RASA2: variants seen among roughly 807,000 people sequenced by gnomAD.
RASA2 encodes ras GTPase-activating protein 2.
In RASA2, 155 loss-of-function variants were observed where a neutral mutation model predicts 118.2. That is an observed-to-expected ratio of 1.31 (90% CI 1.15 to 1.50). RASA2 has a LOEUF of 1.50. Ranked by LOEUF, RASA2 falls within the 40% of genes most tolerant of loss-of-function variation. The probability of loss-of-function intolerance (pLI) is 0.00; values close to 1 mark genes in which losing one functional copy is unlikely to be tolerated. For synonymous variants in RASA2, 353 were observed against 349.1 expected (o/e 1.01, Z -0.12); for missense variants, 1,016 against 1,009.6 (o/e 1.01, Z -0.09).
intron 18 of RASA2, among the ~76,000 whole-genome samples, chr3:141,586,306 T>G (rs2107776518): frequency 6.6e-6 from 1 of 152,304 alleles, no homozygotes; most frequent in South Asian, 2.1e-4. Context: ...TAGAGTTGTT[T>G]TGCAATTATA....
chr3:141,536,687 T>C (rs920712581), intron 4 of RASA2, among the ~76,000 whole-genome samples: 7 of 152,156 alleles, frequency 4.6e-5, no homozygotes, highest in Admixed American at 3.9e-4. Context: ...CTTTAGGAGA[T>C]TGAATAATAA....
At chr3:141,553,726 A>G (rs987155748) in intron 5 of RASA2, 131 bp from the exon 6 acceptor site, 2 of 1,439,392 alleles carry the variant, frequency 1.4e-6, no homozygotes, top group East Asian at 2.4e-5. Context: ...TAGGTAGTAT[A>G]TAGCCATACA....
At chr3:141,493,855 C>T (rs539101285) in intron 1 of RASA2, among the ~76,000 whole-genome samples, 1 of 152,278 alleles carries the variant, frequency 6.6e-6, no homozygotes, top group Admixed American at 6.5e-5. Context: ...AGAAATTAAG[C>T]ATTTACAAAC....
intron 9 of RASA2, among the ~76,000 whole-genome samples, chr3:141,568,629 A>G (rs1157727525): frequency 3.9e-5 from 6 of 152,062 alleles, no homozygotes; most frequent in Admixed American, 3.3e-4. Flanking sequence ...TTTTAATATT[A>G]AATAAAGAAG....
At chr3:141,596,496 C>T (rs1393376752) in intron 19 of RASA2, among the ~76,000 whole-genome samples, 8 of 151,864 alleles carry the variant, frequency 5.3e-5, no homozygotes, top group Admixed American at 3.3e-4. Context: ...TGGATCTCAT[C>T]AAAATTCAAA....
intron 3 of RASA2, among the ~76,000 whole-genome samples, chr3:141,518,348 C>T (rs991537555): frequency 2.0e-5 from 3 of 150,936 alleles, no homozygotes; most frequent in African/African-American, 4.9e-5. Flanking sequence ...CCTGGAGCGG[C>T]GGTGCGCACC....
chr3:141,497,259 C>T (rs1455997717), intron 1 of RASA2, among the ~76,000 whole-genome samples: 1 of 149,658 alleles, frequency 6.7e-6, no homozygotes, highest in Non-Finnish European at 1.5e-5. Flanking sequence ...CAATATGGCA[C>T]ATGTATACAT....
chr3:141,564,005 T>A (rs1361443776), intron 9 of RASA2, among the ~76,000 whole-genome samples: 1 of 151,072 alleles, frequency 6.6e-6, no homozygotes, highest in Non-Finnish European at 1.5e-5. Context: ...ATAGATGAGA[T>A]ATTTTGTCTA....
intron 19 of RASA2, among the ~76,000 whole-genome samples, chr3:141,607,375 C>A (rs1173924629): frequency 1.3e-5 from 2 of 151,964 alleles, no homozygotes; most frequent in African/African-American, 4.8e-5. Context: ...TTTTCAGTCC[C>A]CATATATAAA....
At chr3:141,534,074 T>C (rs2082294557) in intron 4 of RASA2, among the ~76,000 whole-genome samples, 2 of 152,220 alleles carry the variant, frequency 1.3e-5, no homozygotes, top group Admixed American at 6.5e-5. Flanking sequence ...CTTTGCCACA[T>C]ATGTGAAGTT....
intron 1 of RASA2, among the ~76,000 whole-genome samples, chr3:141,510,438 A>G (rs575632848): frequency 5.3e-5 from 8 of 152,322 alleles, no homozygotes; most frequent in African/African-American, 1.4e-4. Context: ...TCAGCTGTCT[A>G]CCGTATGACA....
chr3:141,556,738 G>A (rs1356332646), intron 7 of RASA2, among the ~76,000 whole-genome samples: 1 of 150,542 alleles, frequency 6.6e-6, no homozygotes, highest in Non-Finnish European at 1.5e-5. Context: ...GTTACATTTT[G>A]TGCCTTTTCT....
chr3:141,538,308 G>A (rs1407605656), intron 4 of RASA2, among the ~76,000 whole-genome samples: 18 of 152,016 alleles, frequency 1.2e-4, no homozygotes, highest in Admixed American at 1.2e-3. Flanking sequence ...GAACAACACA[G>A]TAGTAGTAAA....
chr3:141,509,055 ATGT>A (rs1338779500), intron 1 of RASA2, among the ~76,000 whole-genome samples: 1 of 152,122 alleles, frequency 6.6e-6, no homozygotes, highest in East Asian at 1.9e-4. Flanking sequence ...CTTTTTGATT[ATGT>A]TGTTTATAAA....
At chr3:141,521,528 C>G (rs1577676927) in intron 3 of RASA2, among the ~76,000 whole-genome samples, 1 of 152,012 alleles carries the variant, frequency 6.6e-6, no homozygotes, top group East Asian at 1.9e-4. Context: ...CTTGAAAAGG[C>G]CTTTAAGGCC....
chr3:141,487,953 C>T (rs2081598889), intron 1 of RASA2, among the ~76,000 whole-genome samples: 1 of 152,146 alleles, frequency 6.6e-6, no homozygotes, highest in Non-Finnish European at 1.5e-5. Context: ...TTCCTGTGAG[C>T]AGGTCTCAAA....
chr3:141,601,184 T>G (rs1157440985), intron 19 of RASA2, among the ~76,000 whole-genome samples: 2 of 152,200 alleles, frequency 1.3e-5, no homozygotes, highest in Non-Finnish European at 2.9e-5. Flanking sequence ...CCTAGCACTT[T>G]GAGAGGCTGC....
At chr3:141,539,873 C>T (rs960593252) in intron 4 of RASA2, among the ~76,000 whole-genome samples, 2 of 152,078 alleles carry the variant, frequency 1.3e-5, no homozygotes, top group African/African-American at 2.4e-5. Flanking sequence ...GAAAGTACTC[C>T]TTTATTTTCA....
chr3:141,492,632 A>G (rs76793242), intron 1 of RASA2, among the ~76,000 whole-genome samples: 2,076 of 152,326 alleles, frequency 0.014, 62 homozygotes, highest in African/African-American at 0.047. Context: ...ATGGTCTTTA[A>G]CATCCCTTCT....
Sources: allele counts gnomAD v4.1 joint callset (sites outside exome capture counted in the v4.1 genomes callset), GRCh38; gene constraint gnomAD v4.1.1; transcripts MANE v1.5; gene names NCBI Gene and HGNC (gene_info 2026-07-23, HGNC 2026-07-21).